The following RAB27A variants were observed in gnomAD, a reference collection of about 807,000 sequenced individuals.
The protein encoded by RAB27A is ras-related protein Rab-27A.
RAB27A carries 17 observed loss-of-function variants against 20.8 expected under a neutral mutation model. The observed-to-expected ratio is 0.82, with a 90% confidence interval of 0.56 to 1.23. The LOEUF (loss-of-function observed/expected upper bound fraction) is 1.23, where lower values mean the gene tolerates loss of function less well. Among genes scored for constraint, RAB27A ranks in the 50% most tolerant of loss-of-function variants. The pLI, the probability that RAB27A is intolerant of heterozygous loss-of-function variation, is 0.00. For synonymous variants in RAB27A, 85 were observed against 92.8 expected (o/e 0.92, Z 0.48); for missense variants, 277 against 266.7 (o/e 1.04, Z -0.27).
In RAB27A at chr15:55,305,895, G is replaced by A. The variant is rs533724619; in HGVS notation, c.-112+8144C>T. On this transcript the variant is annotated intron_variant, in intron 2 of 5. Transcript: ENST00000563262. ...TACCGCCAGTGCCAGTACCTATTCC[G>A]CCTAGCACTCCTGCTCCAATAACAA... Among the ~76,000 whole-genome samples the A allele has an allele frequency of 7.2e-5, 11 of 152,256 alleles. No individual in the cohort carries two copies. The South Asian group carries it at 2.1e-3, about 29-fold the overall frequency.
At chr15:55,262,368 C>T (rs1400604752) in intron 2 of RAB27A, among the ~76,000 whole-genome samples, 2 of 151,736 alleles carry the variant, frequency 1.3e-5, no homozygotes, top group African/African-American at 2.4e-5. Flanking sequence ...AGTGAAACCT[C>T]GTCTCTACTC....
At chr15:55,275,309 G>A (rs1000508735) in intron 1 of RAB27A, among the ~76,000 whole-genome samples, 1 of 151,686 alleles carries the variant, frequency 6.6e-6, no homozygotes, top group African/African-American at 2.4e-5. Context: ...TAAAGCTGCT[G>A]CACAGCAAAG....
intron 1 of RAB27A, among the ~76,000 whole-genome samples, chr15:55,315,311 G>A (rs956378674): frequency 6.6e-6 from 1 of 152,070 alleles, no homozygotes; most frequent in South Asian, 2.1e-4. Flanking sequence ...AAAAAGTCTA[G>A]AAGAAAACCT....
At chr15:55,263,317 A>T (rs1339777572) in intron 2 of RAB27A, among the ~76,000 whole-genome samples, 1 of 152,132 alleles carries the variant, frequency 6.6e-6, no homozygotes, top group Non-Finnish European at 1.5e-5. Flanking sequence ...AGGTGACCTT[A>T]CCCAAAACCA....
rs886051309 is a variant in RAB27A, at chr15:55,204,649, C to T, written c.*858G>A. ...TGAAGAAAAAGAAACTAAATATTTA[C>T]TCATCGCAAATAACTCGGCATAAGC... On this transcript the variant is annotated 3_prime_UTR_variant, in exon 7 of 7. Transcript: ENST00000336787. 2 of 152,188 alleles carry T rather than the reference C, an allele frequency of 1.3e-5. No individual in the cohort carries two copies. The highest frequency in any genetic ancestry group is 6.5e-5 in the Admixed American group (1 of 15,288). The allele number at this position is 152,188 out of a possible 1,614,324, so 9.4% of individuals were successfully genotyped here. A position where few individuals can be genotyped will look rare whatever the true frequency, so the allele number is the denominator to read the frequency against.
At chr15:55,217,506 T>A (rs1190054636) in intron 6 of RAB27A, among the ~76,000 whole-genome samples, 1 of 148,822 alleles carries the variant, frequency 6.7e-6, no homozygotes, top group Non-Finnish European at 1.5e-5. Context: ...CTAAAAAAAA[T>A]ATATAAAAAT....
At chr15:55,250,325 T>C (rs1432613261) in intron 2 of RAB27A, among the ~76,000 whole-genome samples, 1 of 152,154 alleles carries the variant, frequency 6.6e-6, no homozygotes, top group Non-Finnish European at 1.5e-5. Flanking sequence ...ATAAGTTACA[T>C]ACCAAATTTA....
chr15:55,302,590 A>G (rs2054977166), intron 2 of RAB27A, among the ~76,000 whole-genome samples: 2 of 137,794 alleles, frequency 1.5e-5, no homozygotes, highest in African/African-American at 2.8e-5. Flanking sequence ...GAAAGTGAGG[A>G]GCGTCTCCGC....
chr15:55,295,404 A>T (rs2054944766), intron 2 of RAB27A, among the ~76,000 whole-genome samples: 1 of 152,238 alleles, frequency 6.6e-6, no homozygotes, highest in Non-Finnish European at 1.5e-5. Flanking sequence ...CTTGTACATA[A>T]GTGTTCATAG....
At chr15:55,235,843 G>T (rs1010875804) in intron 2 of RAB27A, among the ~76,000 whole-genome samples, 1 of 152,080 alleles carries the variant, frequency 6.6e-6, no homozygotes, top group Non-Finnish European at 1.5e-5. Context: ...AAAAAGGAAC[G>T]AAATAATGGC....
At chr15:55,243,655 C>T (rs540841145) in intron 2 of RAB27A, among the ~76,000 whole-genome samples, 6 of 151,962 alleles carry the variant, frequency 3.9e-5, no homozygotes, top group African/African-American at 1.4e-4. Context: ...TTTTCTCTGA[C>T]ATCATGTCTC....
At chr15:55,220,263 G>T (rs142352337) in intron 6 of RAB27A, among the ~76,000 whole-genome samples, 6,797 of 119,608 alleles carry the variant, frequency 0.057, 513 homozygotes, top group African/African-American at 0.21. Context: ...GTTTGTTTTT[G>T]TTTGTTTGTT....
chr15:55,262,440 G>A (rs1897305613), intron 2 of RAB27A, among the ~76,000 whole-genome samples: 1 of 151,534 alleles, frequency 6.6e-6, no homozygotes, highest in South Asian at 2.1e-4. Flanking sequence ...TACTCGGGAG[G>A]CTGAGGCAGG....
chr15:55,257,059 C>T (rs1443723461), intron 2 of RAB27A, among the ~76,000 whole-genome samples: 5 of 152,144 alleles, frequency 3.3e-5, no homozygotes, highest in African/African-American at 7.2e-5. Context: ...GAAAAGGACA[C>T]AGCAAAGAGA....
rs529088883 is a variant in RAB27A at position 55,230,481 on chromosome 15, G to A, written c.159C>T (p.Tyr53=). The A allele has an allele frequency of 5.6e-6, 9 of 1,612,678 alleles. No homozygotes were observed. The highest frequency in any genetic ancestry group is 1.3e-5 in the African/African-American group (1 of 74,870). ...TGGCTCCATCCGGCCCACTGGCTCT[G>A]TACACCTAAAACAGCAAAGTGAAAG... ...GIDFREKRVV[Y]RASGPDGATG... Residue 53 remains tyrosine (Y), a synonymous_variant, in exon 4 of 7, where the codon TAC becomes TAT. Transcript: ENST00000336787.
chr15:55,314,007 T>TAAAC (rs2055032468), intron 2 of RAB27A: 3 of 153,732 alleles, frequency 2.0e-5, no homozygotes, highest in African/African-American at 7.6e-5. Flanking sequence ...AATAAATAAA[T>TAAAC]AAATAAATAA....
intron 2 of RAB27A, among the ~76,000 whole-genome samples, chr15:55,297,468 C>G (rs940470765): frequency 1.3e-5 from 2 of 152,218 alleles, no homozygotes; most frequent in Non-Finnish European, 2.9e-5. Context: ...GTAACTGCAA[C>G]TTTCATAGCA....
At chr15:55,295,107 T>C (rs920755973) in intron 2 of RAB27A, among the ~76,000 whole-genome samples, 1 of 152,080 alleles carries the variant, frequency 6.6e-6, no homozygotes, top group African/African-American at 2.4e-5. Flanking sequence ...ATGTCATTAG[T>C]CATTAAGAAA....
chr15:55,243,001 C>T (rs1896551191), intron 2 of RAB27A, among the ~76,000 whole-genome samples: 1 of 152,152 alleles, frequency 6.6e-6, no homozygotes, highest in South Asian at 2.1e-4. Context: ...AAGTTTTCTT[C>T]AGTGCCAGCA....
Sources: gnomAD v4.1 joint callset for allele counts (sites outside exome capture counted in the v4.1 genomes callset) on GRCh38, gnomAD v4.1.1 for gene constraint, MANE v1.5 for transcripts, NCBI Gene and HGNC (gene_info 2026-07-23, HGNC 2026-07-21) for gene names.